The following RUSC1 variants were observed in gnomAD, a reference collection of about 807,000 sequenced individuals.
RUSC1 encodes the protein RUN and SH3 domain containing 1.
A neutral mutation model predicts 72.1 loss-of-function variants in RUSC1; 40 were observed. The ratio of observed to expected loss-of-function variants is 0.55; its 90% CI spans 0.43 to 0.72. The LOEUF is 0.72. Among genes scored for constraint, RUSC1 ranks in the 30% least tolerant of loss-of-function variants. The probability of loss-of-function intolerance (pLI) is 0.00; values close to 1 mark genes in which losing one functional copy is unlikely to be tolerated. For missense variants in RUSC1, 1,092 were observed against 1,172.3 expected (o/e 0.93, Z 1.00); for synonymous variants, 512 against 494.2 (o/e 1.04, Z -0.48).
chr1:155,324,999 G>A, intron 3 of RUSC1, 56 bp downstream of exon 3: 3 of 1,613,678 alleles, frequency 1.9e-6, no homozygotes, highest in East Asian at 4.5e-5. Context: ...CTTCGCCCCC[G>A]GCCCTGCTCT....
intron 9 of RUSC1, among the ~76,000 whole-genome samples, chr1:155,329,989 G>C (rs1008787393): frequency 6.6e-6 from 1 of 150,454 alleles, no homozygotes; most frequent in Non-Finnish European, 1.5e-5. Flanking sequence ...AGATGGAGTA[G>C]TAGGAGATCC....
chr1:155,324,277 G>T, intron 2 of RUSC1: 2 of 1,526,884 alleles, frequency 1.3e-6, no homozygotes. Context: ...CCAGTCCCAC[G>T]CGGGATGAAG....
chr1:155,330,295 C>A, intron 9 of RUSC1, 108 bp from the exon 10 acceptor site: 1 of 1,085,398 alleles, frequency 9.2e-7, no homozygotes, highest in Non-Finnish European at 1.3e-6. Context: ...AGAGCCCAGT[C>A]AATGTCCACT....
chr1:155,323,864 C>T (rs1040657578), intron 2 of RUSC1: 3 of 970,728 alleles, frequency 3.1e-6, no homozygotes, highest in Non-Finnish European at 1.2e-6. Context: ...CGGGCCGCCC[C>T]GCCCACTCTC....
chr1:155,327,108 A>G lies in RUSC1; in HGVS notation c.2390A>G (p.Asn797Ser), dbSNP rs767876564. ...LFGVPGGPAENENGALKSRRP... is the reference protein window; with the variant it reads ...LFGVPGGPAESENGALKSRRP... ...GGAGTGCCTGGGGGCCCCGCAGAAA[A>G]TGAGAATGGAGCCCTAAAGTCCAGG... The change falls in exon 8 of 10, where the codon AAT becomes AGT. Residue 797 changes from asparagine (N) to serine (S), a missense_variant. Asn to Ser is a conservative substitution (Grantham distance 46). Transcript: ENST00000368352. 1 of 1,606,530 alleles carries G rather than the reference A, an allele frequency of 6.2e-7. No homozygotes were observed. Among genetic ancestry groups the G allele is most frequent in the East Asian group, 2.2e-5 (1 of 44,674 alleles).
In RUSC1 at chr1:155,325,597, A is replaced by G. The variant is rs1338290125; in HGVS notation, c.1739A>G (p.Tyr580Cys). Residue 580 changes from tyrosine (Y) to cysteine (C), a missense_variant, in exon 6 of 10, where the codon TAT becomes TGT. Tyr to Cys is a radical substitution (Grantham distance 194, BLOSUM62 -2). Transcript: ENST00000368352. The surrounding 1 kb of genome is among the most constrained non-coding windows in gnomAD (Gnocchi z 6.5). ...GSSTRSLGTLYSQVSRLAPLS... is the reference protein window; with the variant it reads ...GSSTRSLGTLCSQVSRLAPLS... ...AGCACCCGCTCCCTTGGAACCCTGT[A>G]TAGCCAGGTCAGCCGTCTAGCCCCG... The G allele has an allele frequency of 1.2e-6, 2 of 1,612,252 alleles. No individual in the cohort carries two copies. Among genetic ancestry groups the G allele is most frequent in the South Asian group, 2.2e-5 (2 of 91,076 alleles).
At position 155,326,871 on chromosome 1, in the gene RUSC1, C is replaced by G; in HGVS notation, c.2153C>G (p.Ser718Cys). Residue 718 changes from serine (S) to cysteine (C), a missense_variant, in exon 8 of 10, where the codon TCT becomes TGT. Physicochemically the swap from Ser to Cys is moderately radical, Grantham distance 112. Transcript: ENST00000368352. The surrounding 1 kb of genome is among the most constrained non-coding windows in gnomAD (Gnocchi z 4.7). ...TCCAAGGAAGCTGCTTCAGACCCCTCTGACTCTCCAAACCTTCCCACACCA... is the reference window on the plus strand; with the variant it reads ...TCCAAGGAAGCTGCTTCAGACCCCTGTGACTCTCCAAACCTTCCCACACCA... ...GTSKEAASDP[S>C]DSPNLPTPGS... is the part of the protein sequence containing the mutation. 2 of 1,613,778 alleles carry G rather than the reference C, an allele frequency of 1.2e-6. No homozygotes were observed. Among genetic ancestry groups the G allele is most frequent in the Non-Finnish European group, 1.7e-6 (2 of 1,180,050 alleles).
At chr1:155,324,823 C>A (rs764323796) in intron 2 of RUSC1, 22 bp from the exon 3 acceptor site, 1 of 1,614,126 alleles carries the variant, frequency 6.2e-7, no homozygotes, top group Non-Finnish European at 8.5e-7. Context: ...AGTGTTACCG[C>A]GCCCTTCTTC....
chr1:155,330,677 T>C lies in RUSC1; in HGVS notation c.*106T>C, dbSNP rs1042823634. On this transcript the variant is annotated 3_prime_UTR_variant, in exon 10 of 10. Transcript: ENST00000368352. ...TTTTCCCTCTGCAAAATGACGTTTC[T>C]TCCCACGTCTGTTTCTGCTAATATT... 1 of 1,108,714 alleles carries C rather than the reference T, an allele frequency of 9.0e-7. No individual in the cohort carries two copies. Among genetic ancestry groups the C allele is most frequent in the African/African-American group, 1.6e-5 (1 of 62,532 alleles). 68.7% of individuals were successfully genotyped at this position (1,108,714 alleles called of 1,614,324 possible). A position where few individuals can be genotyped will look rare whatever the true frequency, so the allele number is the denominator to read the frequency against.
intron 9 of RUSC1, 98 bp from the exon 10 acceptor site, chr1:155,330,305 T>G (rs1651876864): frequency 2.4e-6 from 3 of 1,229,440 alleles, no homozygotes; most frequent in Non-Finnish European, 3.5e-6. Flanking sequence ...CAATGTCCAC[T>G]GAGCCAAACC....
intron 2 of RUSC1, chr1:155,324,326 T>A: frequency 6.3e-7 from 1 of 1,586,390 alleles, no homozygotes. Flanking sequence ...GGGACCCGGG[T>A]TTCCCCTTTC....
Position 155,325,784 on chromosome 1 carries a change from A to G in RUSC1, c.1815-80A>G, listed in dbSNP as rs1651322745. ...CCCAGAGAAGGCCCCCCCTCTTCCA[A>G]TCTCATCTCCCATCCTCCACCCAGA... On this transcript the variant is annotated intron_variant, in intron 6 of 9. Coordinates refer to ENST00000368352, the MANE Select transcript of RUSC1 (RefSeq NM_001105203.2). This position sits in a 1 kb window ranked among gnomAD's most constrained non-coding sequence, Gnocchi z 6.5. 2.5e-6 allele frequency: 4 copies of G among 1,588,042 alleles called. No homozygotes were observed. Among genetic ancestry groups the G allele is most frequent in the South Asian group, 2.2e-5 (2 of 90,412 alleles).
Position 155,322,043 on chromosome 1 carries a change from G to T in RUSC1, c.270G>T (p.Glu90Asp). The T allele has an allele frequency of 6.2e-7, 1 of 1,613,290 alleles. No homozygotes were observed. The highest frequency in any genetic ancestry group is 1.7e-4 in the Middle Eastern group (1 of 6,060). Residue 90 changes from glutamate to aspartate, a missense_variant, in exon 2 of 10, where the codon GAG (glutamate) becomes GAT (aspartate). Glu to Asp is a conservative substitution (Grantham distance 45). Transcript: ENST00000368352. ...AAAACCGGCAGGACCCGTCACAGGA[G>T]GAAGAGGGGGCTGCCTCTCCCTCAG... Reference protein sequence around the residue: ...GLENRQDPSQEEEGAASPSDP... With the variant: ...GLENRQDPSQDEEGAASPSDP...
intron 2 of RUSC1, chr1:155,324,610 G>A: frequency 1.3e-6 from 2 of 1,535,288 alleles, no homozygotes; most frequent in South Asian, 1.2e-5. Flanking sequence ...CCCTGAGGGA[G>A]GGCACAGGGA....
Position 155,330,525 on chromosome 1 carries a change from G to A in RUSC1, c.2663G>A (p.Gly888Asp), listed in dbSNP as rs1344707378. 1.9e-6 allele frequency: 3 copies of A among 1,613,458 alleles called. No homozygotes were observed. Among genetic ancestry groups the A allele is most frequent in the South Asian group, 1.1e-5 (1 of 90,984 alleles). ...DEDWLRCGRD[G>D]MEGLVPVGYT... ...GACTGGCTCCGCTGTGGGCGGGATG[G>A]CATGGAGGGTCTGGTGCCTGTGGGG... The change falls in exon 10 of 10, where the codon GGC becomes GAC. Residue 888 changes from glycine (G) to aspartate (D), a missense_variant. Physicochemically the swap from Gly to Asp is moderately conservative, Grantham distance 94. Transcript: ENST00000368352.
In RUSC1 at chr1:155,322,828, TCC is replaced by T; in HGVS notation, c.1061_1062del (p.Pro354LeufsTer101). The T allele has an allele frequency of 6.2e-7, 1 of 1,611,108 alleles. No homozygotes were observed. The highest frequency in any genetic ancestry group is 8.5e-7 in the Non-Finnish European group (1 of 1,179,094). ...ATAGTCTTCTCGCCCGACACCGAGC[TCC>T]CCCCCTCGGGGTCGCCGGGCGGCTC... On this transcript the variant is annotated frameshift_variant, in exon 2 of 10. Transcript: ENST00000368352. LOFTEE classifies it high-confidence loss of function.
chr1:155,328,376 G>T lies in RUSC1; in HGVS notation c.2540+101G>T, dbSNP rs950210069. On this transcript the variant is annotated intron_variant, in intron 9 of 9. Coordinates refer to ENST00000368352, the MANE Select transcript of RUSC1 (RefSeq NM_001105203.2). ...AAACCCTGGGCTTTAAAATAAGACC[G>T]TGCTTAGTGTGCATTGCAGCTTTTC... 34 of 1,203,936 alleles carry T rather than the reference G, an allele frequency of 2.8e-5. No homozygotes were observed. In the African/African-American group the frequency reaches 5.2e-4, roughly 18 times the overall value. The allele number at this position is 1,203,936 out of a possible 1,614,324, so 74.6% of individuals were successfully genotyped here.
At chr1:155,321,020 A>G (rs1557986683) in intron 1 of RUSC1, 29 bp downstream of exon 1, 2 of 1,492,306 alleles carry the variant, frequency 1.3e-6, no homozygotes, top group Non-Finnish European at 1.8e-6. Context: ...ATGGGTGTAG[A>G]CCGATGGACC....
At chr1:155,327,177 G>T in intron 8 of RUSC1, 45 bp downstream of exon 8, 1 of 1,526,456 alleles carries the variant, frequency 6.6e-7, no homozygotes, top group Non-Finnish European at 8.8e-7. Flanking sequence ...GACTCTCTCA[G>T]ATCTCCTAGC....
Sources: gnomAD v4.1 joint callset for allele counts (sites outside exome capture counted in the v4.1 genomes callset) on GRCh38, gnomAD v4.1.1 for gene constraint, Gnocchi (gnomAD v3.1) non-coding constraint, MANE v1.5 for transcripts, NCBI Gene and HGNC (gene_info 2026-07-23, HGNC 2026-07-21) for gene names.